C1GALT1: variants seen among roughly 807,000 people sequenced by gnomAD.
C1GALT1 encodes the protein core 1 synthase, glycoprotein-N-acetylgalactosamine 3-beta-galactosyltransferase 1, also known as glycoprotein-N-acetylgalactosamine 3-beta-galactosyltransferase 1.
Under a neutral mutation model 31.0 loss-of-function variants are expected in C1GALT1, and 11 were observed. That is an observed-to-expected ratio of 0.36 (90% CI 0.22 to 0.59). The LOEUF (loss-of-function observed/expected upper bound fraction) is 0.59. C1GALT1 is among the 20% of genes least tolerant of loss of function. The pLI, the probability that C1GALT1 is intolerant of heterozygous loss-of-function variation, is 0.79. For missense variants in C1GALT1, 424 were observed against 425.2 expected (o/e 1.00, Z 0.03); for synonymous variants, 175 against 143.6 (o/e 1.22, Z -1.56).
chr7:7,209,452 T>G (rs1219948967), intron 1 of C1GALT1: 2 of 152,208 alleles, frequency 1.3e-5, no homozygotes, highest in African/African-American at 4.8e-5. Context: ...CTTCCAGTAT[T>G]AAATAGTGTT....
intron 1 of C1GALT1, among the ~76,000 whole-genome samples, chr7:7,213,327 C>G (rs1334961194): frequency 1.3e-5 from 2 of 152,106 alleles, no homozygotes; most frequent in African/African-American, 4.8e-5. Context: ...TAATTTATTT[C>G]CATGGTTTAC....
intron 1 of C1GALT1, among the ~76,000 whole-genome samples, chr7:7,231,490 T>C (rs1314852160): frequency 1.3e-5 from 2 of 152,200 alleles, no homozygotes; most frequent in Non-Finnish European, 2.9e-5. Flanking sequence ...TTTGCTCAAT[T>C]CTTTTTCAAT....
chr7:7,196,900 T>G (rs1475178887), intron 1 of C1GALT1, among the ~76,000 whole-genome samples: 2 of 152,242 alleles, frequency 1.3e-5, no homozygotes, highest in Admixed American at 1.3e-4. Flanking sequence ...TTCCCACTTT[T>G]TGATGGGGTT....
At chr7:7,179,989 G>C (rs561435379), upstream of C1GALT1, among the ~76,000 whole-genome samples, 18 of 152,218 alleles carry the variant, frequency 1.2e-4, no homozygotes, top group South Asian at 3.7e-3. Context: ...GGCCAGCCAT[G>C]ACTTATGAAA....
chr7:7,163,756 C>T lies in C1GALT1; in HGVS notation c.-18+6330C>T, dbSNP rs1417671548. On this transcript the variant is annotated intron_variant, in intron 2 of 3. Coordinates refer to the C1GALT1 transcript ENST00000429911. ...ATAAAATACCTAGGAATCCAACTTA[C>T]AAGGGACGTGAAGGACCTCCTCAAG... 2.0e-5 allele frequency among the ~76,000 whole-genome samples: 3 copies of T among 152,232 alleles called. No individual in the cohort carries two copies. The South Asian group carries it at 6.2e-4, about 32-fold the overall frequency.
chr7:7,173,130 T>A (rs896143230), intron 2 of C1GALT1, among the ~76,000 whole-genome samples: 3 of 152,152 alleles, frequency 2.0e-5, no homozygotes, highest in African/African-American at 7.2e-5. Context: ...TGGGACCTGG[T>A]GGGAGCTGTT....
chr7:7,172,497 A>G (rs547339594), intron 2 of C1GALT1, among the ~76,000 whole-genome samples: 1 of 152,292 alleles, frequency 6.6e-6, no homozygotes, highest in South Asian at 2.1e-4. Context: ...TATATTTAAT[A>G]AAATTTTGGA....
At chr7:7,196,205 C>A (rs974517873) in intron 1 of C1GALT1, among the ~76,000 whole-genome samples, 1 of 114,504 alleles carries the variant, frequency 8.7e-6, no homozygotes, top group African/African-American at 3.3e-5. Context: ...TAATGCTATC[C>A]CTCCCCCCTC....
intron 1 of C1GALT1, among the ~76,000 whole-genome samples, chr7:7,188,123 C>G (rs1056186110): frequency 6.6e-6 from 1 of 151,864 alleles, no homozygotes; most frequent in African/African-American, 2.4e-5. Flanking sequence ...GGAGAGGAGA[C>G]AATGGATTAG....
chr7:7,187,272 C>T (rs976810976), intron 1 of C1GALT1, among the ~76,000 whole-genome samples: 4 of 149,648 alleles, frequency 2.7e-5, no homozygotes, highest in Admixed American at 6.6e-5. Context: ...TTTTTTGAGA[C>T]GGAGTCTCAC....
intron 1 of C1GALT1, among the ~76,000 whole-genome samples, chr7:7,231,544 C>T (rs1357292144): frequency 6.6e-6 from 1 of 151,882 alleles, no homozygotes; most frequent in African/African-American, 2.4e-5. Context: ...TTCTTCTGAC[C>T]TAGCTTTTTA....
Position 7,243,763 on chromosome 7 carries a change from G to A in C1GALT1, c.*36G>A, listed in dbSNP as rs893265876. 2.0e-5 allele frequency: 29 copies of A among 1,440,322 alleles called. No individual in the cohort carries two copies. The highest frequency in any genetic ancestry group is 2.4e-5 in the Non-Finnish European group (26 of 1,063,878). 89.2% of individuals were successfully genotyped at this position (1,440,322 alleles called of 1,614,324 possible). On this transcript the variant is annotated 3_prime_UTR_variant, in exon 4 of 4. Coordinates refer to ENST00000436587, the MANE Select transcript of C1GALT1 (RefSeq NM_020156.5). ...TGAATGAACAAAGGTAATATGTCTA[G>A]CACTGCACTGAAAAAGGACTTCTGC...
chr7:7,239,999 C>G (rs1783552480), intron 3 of C1GALT1, among the ~76,000 whole-genome samples: 1 of 152,128 alleles, frequency 6.6e-6, no homozygotes, highest in Admixed American at 6.5e-5. Flanking sequence ...CTAATAATGC[C>G]TTTAGGCAAG....
At chr7:7,205,278 C>G (rs1389545820) in intron 1 of C1GALT1, among the ~76,000 whole-genome samples, 1 of 152,152 alleles carries the variant, frequency 6.6e-6, no homozygotes, top group African/African-American at 2.4e-5. Flanking sequence ...CTGCATGTAA[C>G]TTTTGACTTT....
chr7:7,248,417 G>C lies in C1GALT1; in HGVS notation c.*4690G>C, dbSNP rs1783932259. 1 of 151,998 alleles carries C rather than the reference G, an allele frequency of 6.6e-6. No homozygotes were observed. The highest frequency in any genetic ancestry group is 2.4e-5 in the African/African-American group (1 of 41,432). The allele number at this position is 151,998 out of a possible 1,614,324, so 9.4% of individuals were successfully genotyped here. ...TAAGCAGTGTGTTGTACTACATAGT[G>C]AATGTTCGTGTTTTGGAATTTAAAA... On this transcript the variant is annotated 3_prime_UTR_variant, in exon 4 of 4. Coordinates refer to ENST00000436587, the MANE Select transcript of C1GALT1 (RefSeq NM_020156.5).
chr7:7,177,211 G>T (rs1000125738), intron 2 of C1GALT1, among the ~76,000 whole-genome samples: 1 of 152,108 alleles, frequency 6.6e-6, no homozygotes, highest in African/African-American at 2.4e-5. Context: ...TCACACTAAG[G>T]CTCTGTCTTA....
intron 1 of C1GALT1, among the ~76,000 whole-genome samples, chr7:7,188,385 C>T (rs898405234): frequency 1.3e-5 from 2 of 152,082 alleles, no homozygotes. Context: ...ATTTAGCAGG[C>T]ATTTGTGTAT....
intron 1 of C1GALT1, among the ~76,000 whole-genome samples, chr7:7,209,940 G>A (rs1198743325): frequency 6.6e-6 from 1 of 152,178 alleles, no homozygotes; most frequent in African/African-American, 2.4e-5. Context: ...TCTCTGGCGG[G>A]CAGGGGCGGG....
At position 7,243,546 on chromosome 7, in the gene C1GALT1, T is replaced by G. The variant is rs1392009829; in HGVS notation, c.911T>G (p.Leu304Arg). 1 of 1,606,852 alleles carries G rather than the reference T, an allele frequency of 6.2e-7. No homozygotes were observed. The highest frequency in any genetic ancestry group is 8.5e-7 in the Non-Finnish European group (1 of 1,177,922). Residue 304 changes from leucine (L) to arginine (R), a missense_variant, in exon 4 of 4, where the codon CTT becomes CGT. Physicochemically the swap from Leu to Arg is moderately radical, Grantham distance 102. Around this residue, in one of 3 missense-constraint regions of C1GALT1, gnomAD observed 191 missense variants for 188.8 expected, o/e 1.01. Coordinates refer to ENST00000436587, the MANE Select transcript of C1GALT1 (RefSeq NM_020156.5). ...PVEGPGCCSD[L>R]AVSFHYVDST... ...TAGGGTCCTGGTTGCTGCTCTGATCTTGCAGTTTCTTTTCACTATGTTGAT... is the reference window on the plus strand; with the variant it reads ...TAGGGTCCTGGTTGCTGCTCTGATCGTGCAGTTTCTTTTCACTATGTTGAT...
Sources: allele counts gnomAD v4.1 joint callset (sites outside exome capture counted in the v4.1 genomes callset), GRCh38; gene constraint gnomAD v4.1.1; regional missense constraint gnomAD v4.1.1; transcripts MANE v1.5; gene names NCBI Gene and HGNC (gene_info 2026-07-23, HGNC 2026-07-21).